The following RAD51B variants were observed in gnomAD, a reference collection of about 807,000 sequenced individuals.
RAD51B encodes RAD51 paralog B, also known as DNA repair protein RAD51 homolog 2.
Under a neutral mutation model 42.2 loss-of-function variants are expected in RAD51B, and 38 were observed. The ratio of observed to expected loss-of-function variants is 0.90; its 90% CI spans 0.70 to 1.18. The LOEUF (loss-of-function observed/expected upper bound fraction) is 1.18, where lower values mean the gene tolerates loss of function less well. Ranked by LOEUF, RAD51B falls within the 50% of genes most tolerant of loss-of-function variation. The probability of loss-of-function intolerance (pLI) is 0.00; values close to 1 mark genes in which losing one functional copy is unlikely to be tolerated. For synonymous variants in RAD51B, 154 were observed against 145.2 expected (o/e 1.06, Z -0.43); for missense variants, 373 against 400.7 (o/e 0.93, Z 0.59).
intron 9 of RAD51B, among the ~76,000 whole-genome samples, chr14:68,427,011 C>T (rs1335481563): frequency 6.6e-6 from 1 of 152,214 alleles, no homozygotes; most frequent in Non-Finnish European, 1.5e-5. Flanking sequence ...AGGTGTGACT[C>T]ATGTTGCCAC....
At chr14:67,886,080 A>G in intron 6 of RAD51B, 92 bp downstream of exon 6, 4 of 1,084,156 alleles carry the variant, frequency 3.7e-6, no homozygotes, top group Non-Finnish European at 5.1e-6. Context: ...AAAAGTCTTT[A>G]TAGGTTAGAA....
chr14:68,659,390 CCAAGATCTTT>C (rs953987845), intron 11 of RAD51B, among the ~76,000 whole-genome samples: 46 of 152,340 alleles, frequency 3.0e-4, no homozygotes, highest in African/African-American at 1.1e-3. Flanking sequence ...TAGCCCTTTG[CCAAGATCTTT>C]CATCTCAGTC....
chr14:68,226,382 T>A (rs887990992), intron 7 of RAD51B, among the ~76,000 whole-genome samples: 20 of 152,224 alleles, frequency 1.3e-4, no homozygotes, highest in African/African-American at 4.8e-4. Flanking sequence ...GCATCTCATC[T>A]GATATAGTTT....
intron 7 of RAD51B, among the ~76,000 whole-genome samples, chr14:68,065,472 G>A (rs911839626): frequency 6.6e-6 from 1 of 152,180 alleles, no homozygotes; most frequent in Non-Finnish European, 1.5e-5. Flanking sequence ...CTTGGGCACT[G>A]CTTCCCTAGG....
At chr14:67,858,334 C>T (rs1330057807) in intron 4 of RAD51B, among the ~76,000 whole-genome samples, 2 of 152,152 alleles carry the variant, frequency 1.3e-5, no homozygotes, top group Non-Finnish European at 2.9e-5. Context: ...GAAAATGACT[C>T]TCCGTGGAGA....
chr14:68,094,265 C>T (rs563575175), intron 7 of RAD51B, among the ~76,000 whole-genome samples: 19 of 152,208 alleles, frequency 1.2e-4, no homozygotes, highest in South Asian at 4.1e-4. Context: ...TATTTTCTGA[C>T]GTTTTGTTTT....
chr14:67,940,388 G>A (rs1310798788), intron 7 of RAD51B, among the ~76,000 whole-genome samples: 1 of 151,888 alleles, frequency 6.6e-6, no homozygotes, highest in Non-Finnish European at 1.5e-5. Flanking sequence ...TTCCCAGTCT[G>A]AATTTCTTAA....
At chr14:68,030,076 G>T (rs1452335987) in intron 7 of RAD51B, among the ~76,000 whole-genome samples, 1 of 152,216 alleles carries the variant, frequency 6.6e-6, no homozygotes, top group East Asian at 1.9e-4. Flanking sequence ...GAGGTGCTGT[G>T]ATCTAGGTTT....
intron 4 of RAD51B, among the ~76,000 whole-genome samples, chr14:67,841,777 A>G (rs10873208): frequency 0.33 from 50,552 of 151,990 alleles, 8,805 homozygotes; most frequent in Middle Eastern, 0.45. Context: ...ATTGATCACT[A>G]TGTCTGTTTT....
Position 67,952,943 on chromosome 14 carries a change from A to G in RAD51B, c.756+65739A>G, listed in dbSNP as rs1304748761. 3.3e-5 allele frequency among the ~76,000 whole-genome samples: 5 copies of G among 151,942 alleles called. No individual in the cohort carries two copies. In the South Asian group the frequency reaches 1.0e-3, roughly 32 times the overall value. ...ACTTCTGAATCAGACATTCTTTGGC[A>G]TCTTAAACTGAATGCCTGTAATTAC... On this transcript the variant is annotated intron_variant, in intron 7 of 10. Transcript: ENST00000471583.
At chr14:67,873,330 T>C (rs915671405) in intron 5 of RAD51B, among the ~76,000 whole-genome samples, 6 of 151,950 alleles carry the variant, frequency 3.9e-5, no homozygotes, top group African/African-American at 1.5e-4. Flanking sequence ...CAAAAACACA[T>C]GAAAAAATGC....
At chr14:68,133,284 C>G (rs1260672789) in intron 7 of RAD51B, among the ~76,000 whole-genome samples, 2 of 152,116 alleles carry the variant, frequency 1.3e-5, no homozygotes, top group African/African-American at 4.8e-5. Context: ...TATTTCTACT[C>G]AAGGATTACT....
At chr14:67,943,722 C>T (rs1566971083) in intron 7 of RAD51B, among the ~76,000 whole-genome samples, 1 of 152,090 alleles carries the variant, frequency 6.6e-6, no homozygotes, top group Admixed American at 6.5e-5. Context: ...GGTAAGCCCT[C>T]AATAAAAGTT....
rs561161028 is a variant in RAD51B at position 68,510,011 on chromosome 14, G to A, written c.1036+41761G>A. On this transcript the variant is annotated intron_variant, in intron 10 of 10. Transcript: ENST00000487270. ...CTCTGTTTACACAGGACCAGGTTCTGTGTTCTTGCCACTGAGTCACAGCTG... is the reference window on the plus strand; with the variant it reads ...CTCTGTTTACACAGGACCAGGTTCTATGTTCTTGCCACTGAGTCACAGCTG... Among the ~76,000 whole-genome samples, 3 of 152,274 alleles carry A rather than the reference G, an allele frequency of 2.0e-5. No individual in the cohort carries two copies. The South Asian group carries it at 6.2e-4, about 32-fold the overall frequency.
chr14:67,916,008 T>C (rs2044138648), intron 7 of RAD51B, among the ~76,000 whole-genome samples: 1 of 152,222 alleles, frequency 6.6e-6, no homozygotes, highest in African/African-American at 2.4e-5. Flanking sequence ...CTTGATAAGA[T>C]AATATATCAT....
intron 7 of RAD51B, among the ~76,000 whole-genome samples, chr14:68,200,107 A>G (rs1289670531): frequency 1.3e-5 from 2 of 152,204 alleles, no homozygotes; most frequent in Non-Finnish European, 2.9e-5. Flanking sequence ...AGAGGAATTC[A>G]TTAGAGAAAC....
chr14:68,570,805 T>C (rs1889656876), intron 10 of RAD51B, among the ~76,000 whole-genome samples: 1 of 152,014 alleles, frequency 6.6e-6, no homozygotes, highest in South Asian at 2.1e-4. Flanking sequence ...TTTAAGACAC[T>C]GTGATCAATA....
intron 4 of RAD51B, among the ~76,000 whole-genome samples, chr14:67,848,098 A>T (rs527558931): frequency 5.9e-5 from 9 of 152,314 alleles, no homozygotes; most frequent in African/African-American, 1.9e-4. Flanking sequence ...GCTCACTCCA[A>T]ACTCCGACTC....
chr14:67,978,347 AT>A (rs535235208), intron 7 of RAD51B, among the ~76,000 whole-genome samples: 1 of 152,178 alleles, frequency 6.6e-6, no homozygotes, highest in Non-Finnish European at 1.5e-5. Flanking sequence ...TTATAAATAT[AT>A]TTCTTTGGGA....
Sources: gnomAD v4.1 joint callset for allele counts (sites outside exome capture counted in the v4.1 genomes callset) on GRCh38, gnomAD v4.1.1 for gene constraint, MANE v1.5 for transcripts, NCBI Gene and HGNC (gene_info 2026-07-23, HGNC 2026-07-21) for gene names.